The following TRIM55 variants were observed in gnomAD, a reference collection of about 807,000 sequenced individuals.
The protein encoded by TRIM55 is tripartite motif-containing protein 55.
A neutral mutation model predicts 60.9 loss-of-function variants in TRIM55; 50 were observed. The observed-to-expected ratio is 0.82, with a 90% confidence interval of 0.65 to 1.04. The LOEUF is 1.04. Among genes scored for constraint, TRIM55 ranks in the 50% least tolerant of loss-of-function variants. TRIM55 has a pLI of 0.00. For missense variants in TRIM55, 681 were observed against 666.9 expected, an observed-to-expected ratio of 1.02 and a Z score of -0.23; for synonymous variants, 237 against 238.1, an observed-to-expected ratio of 1.00 and a Z score of 0.04.
chr8:66,119,825 TAA>T, the TRIM55 span, among the ~76,000 whole-genome samples: 1 of 152,252 alleles, frequency 6.6e-6, no homozygotes, highest in Non-Finnish European at 1.5e-5. Context: ...CATTTAAATA[TAA>T]GTTTAAATTA....
chr8:66,149,951 T>G, intron 5 of TRIM55, 73 bp downstream of exon 5: 1 of 1,215,856 alleles, frequency 8.2e-7, no homozygotes, highest in South Asian at 1.4e-5. Context: ...ACATTTTTAT[T>G]ATTTTATGTA....
chr8:66,152,467 T>C lies in TRIM55; in HGVS notation c.1076T>C (p.Val359Ala). 3.1e-6 allele frequency: 5 copies of C among 1,613,452 alleles called. No individual in the cohort carries two copies. Among genetic ancestry groups the C allele is most frequent in the Non-Finnish European group, 4.2e-6 (5 of 1,179,856 alleles). ...GGAGAAGCAGTAGAAGTGGAAGAGG[T>C]AGAAAATGTTCAAACAGAGTTTCCA... ...VGGEAVEVEE[V>A]ENVQTEFPGE... is the part of the protein sequence containing the mutation. Residue 359 changes from valine (V) to alanine (A), a missense_variant, in exon 8 of 10, where the codon GTA (valine) becomes GCA (alanine). By Grantham distance (64) the Val-to-Ala change is moderately conservative. Transcript: ENST00000315962.
the TRIM55 span, among the ~76,000 whole-genome samples, chr8:66,116,804 A>G: frequency 6.6e-6 from 1 of 150,548 alleles, no homozygotes; most frequent in Non-Finnish European, 1.5e-5. Context: ...GTACTTTCCA[A>G]CTCATTCTAT....
At chr8:66,128,111 A>AAACTGTTGC (rs1808926023) in intron 1 of TRIM55, among the ~76,000 whole-genome samples, 193 bp from the exon 2 acceptor site, 1 of 152,238 alleles carries the variant, frequency 6.6e-6, no homozygotes, top group African/African-American at 2.4e-5. Flanking sequence ...ACAATGGTAT[A>AAACTGTTGC]TTCGCAGATG....
chr8:66,158,852 A>AGCTGCTATT (rs1563387886), intron 9 of TRIM55, among the ~76,000 whole-genome samples: 1 of 152,326 alleles, frequency 6.6e-6, no homozygotes, highest in East Asian at 1.9e-4. Context: ...ATGTTTACAC[A>AGCTGCTATT]GCTGCTATTA....
chr8:66,160,729 T>G (rs1268987501), intron 9 of TRIM55, among the ~76,000 whole-genome samples: 1 of 152,180 alleles, frequency 6.6e-6, no homozygotes, highest in Non-Finnish European at 1.5e-5. Context: ...AGTGAGGTGG[T>G]ATCGCATTGT....
At chr8:66,173,314 T>C (rs963302358) in intron 9 of TRIM55, among the ~76,000 whole-genome samples, 3 of 152,230 alleles carry the variant, frequency 2.0e-5, no homozygotes, top group Admixed American at 2.0e-4. Context: ...AGGATAATTT[T>C]ATTGCTCTTG....
chr8:66,127,469 G>A (rs767128204), intron 1 of TRIM55, 33 bp downstream of exon 1: 2 of 1,607,214 alleles, frequency 1.2e-6, no homozygotes, highest in Non-Finnish European at 1.7e-6. Flanking sequence ...TGAGGGGAGG[G>A]GGTGGAAAAG....
the TRIM55 span, chr8:66,114,802 C>T: frequency 1.5e-5 from 5 of 343,162 alleles, no homozygotes; most frequent in East Asian, 3.0e-4. Context: ...AGTCCCTGGA[C>T]ACAGGGGCTG....
chr8:66,145,973 T>A (rs1426921298), intron 4 of TRIM55, among the ~76,000 whole-genome samples: 1 of 152,188 alleles, frequency 6.6e-6, no homozygotes, highest in African/African-American at 2.4e-5. Context: ...CGGATGGCCT[T>A]GAGAAAGTGA....
intron 4 of TRIM55, among the ~76,000 whole-genome samples, chr8:66,148,198 C>T (rs940625901): frequency 7.2e-5 from 11 of 152,058 alleles, no homozygotes; most frequent in Non-Finnish European, 1.5e-4. Context: ...GATTGAAAAA[C>T]CAAAAGGCCA....
chr8:66,128,855 CT>C (rs1808980821), intron 2 of TRIM55, among the ~76,000 whole-genome samples: 1 of 152,138 alleles, frequency 6.6e-6, no homozygotes, highest in South Asian at 2.1e-4. Flanking sequence ...AAAAAAAAAT[CT>C]AGTAAATACT....
Position 66,174,491 on chromosome 8 carries a change from C to G in TRIM55, c.1545C>G (p.Pro515=). ...TGCAGATTGGATTTGAGGCTCCTCC[C>G]CTCCAGGGACAGGCTGCAGCTCCAG... The part of the protein sequence containing the change: ...ATSQIGFEAP[P]LQGQAAAPAS... The change falls in exon 10 of 10, where the codon CCC becomes CCG. Residue 515 remains proline, a synonymous_variant. Coordinates refer to ENST00000315962, the MANE Select transcript of TRIM55 (RefSeq NM_184085.2). 2 of 1,611,840 alleles carry G rather than the reference C, an allele frequency of 1.2e-6. No individual in the cohort carries two copies. The highest frequency in any genetic ancestry group is 8.5e-7 in the Non-Finnish European group (1 of 1,179,418).
At chr8:66,172,738 C>A (rs535861957) in intron 9 of TRIM55, among the ~76,000 whole-genome samples, 1 of 152,238 alleles carries the variant, frequency 6.6e-6, no homozygotes, top group Non-Finnish European at 1.5e-5. Flanking sequence ...CACCCTTCAA[C>A]TATGTCAGAA....
chr8:66,130,431 C>T (rs1008354998), intron 2 of TRIM55, among the ~76,000 whole-genome samples: 5 of 152,122 alleles, frequency 3.3e-5, no homozygotes, highest in Admixed American at 6.6e-5. Flanking sequence ...TGGGAGGAAA[C>T]GCAGTTGTCC....
At chr8:66,136,193 G>T (rs998625629) in intron 3 of TRIM55, among the ~76,000 whole-genome samples, 1 of 152,124 alleles carries the variant, frequency 6.6e-6, no homozygotes, top group African/African-American at 2.4e-5. Context: ...TAATAGAACT[G>T]GATGGTAGCT....
intron 3 of TRIM55, 47 bp downstream of exon 3, chr8:66,135,202 A>C: frequency 1.9e-6 from 3 of 1,596,938 alleles, no homozygotes; most frequent in South Asian, 1.1e-5. Context: ...CCATCCCCAC[A>C]CCTTAGGGCC....
chr8:66,117,933 G>C, the TRIM55 span, among the ~76,000 whole-genome samples: 1 of 151,906 alleles, frequency 6.6e-6, no homozygotes, highest in Admixed American at 6.6e-5. Flanking sequence ...TTGGGAGGCC[G>C]AGGCGGGTGG....
intron 4 of TRIM55, among the ~76,000 whole-genome samples, chr8:66,143,668 CT>C (rs1809948763): frequency 6.6e-6 from 1 of 151,856 alleles, no homozygotes; most frequent in African/African-American, 2.4e-5. Flanking sequence ...AAAACTGAAG[CT>C]TTTGCATGAA....
Sources: allele counts gnomAD v4.1 joint callset (sites outside exome capture counted in the v4.1 genomes callset), GRCh38; gene constraint gnomAD v4.1.1; transcripts MANE v1.5; gene names NCBI Gene and HGNC (gene_info 2026-07-23, HGNC 2026-07-21).